LIPE: variants seen among roughly 807,000 people sequenced by gnomAD.
LIPE encodes lipase E, hormone sensitive type, also known as hormone-sensitive lipase.
In LIPE, 66 loss-of-function variants were observed where a neutral mutation model predicts 88.5. The ratio of observed to expected loss-of-function variants is 0.75; its 90% CI spans 0.61 to 0.91. The LOEUF (loss-of-function observed/expected upper bound fraction) is 0.91. Among genes scored for constraint, LIPE ranks in the 40% least tolerant of loss-of-function variants. LIPE has a pLI of 0.00. For synonymous variants in LIPE, 570 were observed against 617.5 expected, an observed-to-expected ratio of 0.92 and a Z score of 1.14; for missense variants, 1,346 against 1,434.7, an observed-to-expected ratio of 0.94 and a Z score of 1.00.
In LIPE at chr19:42,426,264, C is replaced by T. The variant is rs1261981551; in HGVS notation, c.883+3G>A. On this transcript the variant is annotated splice_donor_region_variant and intron_variant, in intron 1 of 9. Coordinates refer to ENST00000244289, the MANE Select transcript of LIPE (RefSeq NM_005357.4). ...GCTTCAATTCCTCCAGATTCACACT[C>T]ACCTGTATCCTGGTAGTGTCTGTGA... The T allele has an allele frequency of 6.3e-6, 10 of 1,592,898 alleles. No individual in the cohort carries two copies. The South Asian group carries it at 7.7e-5, about 12-fold the overall frequency.
At chr19:42,424,679 G>A in intron 1 of LIPE, 1 of 455,322 alleles carries the variant, frequency 2.2e-6, no homozygotes. Context: ...CTCTGGACCA[G>A]GGCCTCACAG....
Position 42,427,116 on chromosome 19 carries a change from C to T in LIPE, c.34G>A (p.Asp12Asn). The T allele has an allele frequency of 6.2e-7, 1 of 1,606,392 alleles. No individual in the cohort carries two copies. Among genetic ancestry groups the T allele is most frequent in the Non-Finnish European group, 8.5e-7 (1 of 1,177,858 alleles). The change falls in exon 1 of 10, where the codon GAC (aspartate) becomes AAC (asparagine). Residue 12 changes from aspartate (D) to asparagine (N), a missense_variant. Asp to Asn is a conservative substitution (Grantham distance 23, BLOSUM62 1). Transcript: ENST00000244289. ...CTCTGGTGTGGTTCAGGTTGCCAGT[C>T]TGACCTAGACACTGACTTAGAACCT... ...EPGSKSVSRSDWQPEPHQRPI... is the reference protein window; with the variant it reads ...EPGSKSVSRSNWQPEPHQRPI...
chr19:42,425,496 C>T (rs562369059), intron 1 of LIPE, among the ~76,000 whole-genome samples: 2 of 152,200 alleles, frequency 1.3e-5, no homozygotes, highest in South Asian at 4.2e-4. Context: ...TTATTTTCTA[C>T]CTGATGTCCT....
chr19:42,405,974 T>TCACACACACACA, intron 7 of LIPE, 187 bp downstream of exon 7: 1 of 481,802 alleles, frequency 2.1e-6, no homozygotes, highest in Non-Finnish European at 3.6e-6. Context: ...TCTCTCTCTC[T>TCACACACACACA]CTCACACACA....
rs1373737553 is a variant in LIPE at position 42,405,495 on chromosome 19, C to G, written c.2432G>C (p.Arg811Pro). The part of the protein sequence containing the change: ...KALGMMGLVR[R>P]DTALLLRDFR... The stretch of plus-strand genomic sequence containing the variant: ...GTCTCGGAGGAGCAGGGCTGTGTCC[C>G]GCCGCACCAGCCCCATCATGCCGAG... Residue 811 changes from arginine to proline, a missense_variant, in exon 8 of 10, where the codon CGG becomes CCG. Coordinates refer to ENST00000244289, the MANE Select transcript of LIPE (RefSeq NM_005357.4). 6.2e-7 allele frequency: 1 copy of G among 1,614,118 alleles called. No individual in the cohort carries two copies. The highest frequency in any genetic ancestry group is 1.7e-5 in the Admixed American group (1 of 60,026).
chr19:42,424,211 G>A lies in LIPE; in HGVS notation c.883+2056C>T, dbSNP rs73936003. 1,294 of 889,202 alleles carry A rather than the reference G, an allele frequency of 1.5e-3. 12 individuals are homozygous for A. The African/African-American group carries it at 0.02, about 14-fold the overall frequency. The allele number at this position is 889,202 out of a possible 1,614,324, so 55.1% of individuals were successfully genotyped here. A position where few individuals can be genotyped will look rare whatever the true frequency, so the allele number is the denominator to read the frequency against. On this transcript the variant is annotated intron_variant, in intron 1 of 9. Coordinates refer to ENST00000244289, the MANE Select transcript of LIPE (RefSeq NM_005357.4). ...CATGCTCCCGATAATGAGGGTGGGG[G>A]ATGGTGGTAGGAGAACGCTCGGCGC... is the stretch of plus-strand genomic sequence containing the variant.
intron 1 of LIPE, among the ~76,000 whole-genome samples, chr19:42,417,251 T>C (rs577394639): frequency 7.2e-5 from 11 of 152,222 alleles, no homozygotes; most frequent in Middle Eastern, 3.4e-3. Context: ...TTATTTGTTA[T>C]TCTTATTTTT....
At chr19:42,405,065 G>A (rs2040125528) in intron 8 of LIPE, among the ~76,000 whole-genome samples, 1 of 151,660 alleles carries the variant, frequency 6.6e-6, no homozygotes, top group East Asian at 2.0e-4. Context: ...AAGGGGTTTT[G>A]CCATATTGGC....
intron 1 of LIPE, among the ~76,000 whole-genome samples, chr19:42,416,905 G>A (rs1023971951): frequency 1.3e-5 from 2 of 152,166 alleles, no homozygotes; most frequent in African/African-American, 4.8e-5. Flanking sequence ...CGACTTTTAA[G>A]TCTTGTTATT....
At position 42,405,401 on chromosome 19, in the gene LIPE, C is replaced by G; in HGVS notation, c.2526G>C (p.Met842Ile). 6.2e-7 allele frequency: 1 copy of G among 1,613,434 alleles called. No individual in the cohort carries two copies. Among genetic ancestry groups the G allele is most frequent in the Non-Finnish European group, 8.5e-7 (1 of 1,179,964 alleles). Residue 842 changes from methionine to isoleucine, a missense_variant, in exon 8 of 10, where the codon ATG becomes ATC. Transcript: ENST00000244289. ...LELSGRKSQKMSEPIAEPMRR... is the reference protein window; with the variant it reads ...LELSGRKSQKISEPIAEPMRR... ...ATCACTCACCTGCTATGGGCTCCGA[C>G]ATCTTCTGGGACTTGCGCCCACTTA... is the stretch of plus-strand genomic sequence containing the variant.
chr19:42,402,631 C>G lies in LIPE; in HGVS notation c.2943G>C (p.Lys981Asn), dbSNP rs1253404893. The change falls in exon 9 of 10, where the codon AAG becomes AAC. Residue 981 changes from lysine (K) to asparagine (N), a missense_variant. Physicochemically the swap from Lys to Asn is moderately conservative, Grantham distance 94. Transcript: ENST00000244289. ...SPLLAPDSML[K>N]SLPPVHIVAC... ...CCACGATGTGCACAGGTGGCAGGCT[C>G]TTGAGCATGCTGTCGGGTGCCAGCA... 7 of 1,496,922 alleles carry G rather than the reference C, an allele frequency of 4.7e-6. No individual in the cohort carries two copies. Among genetic ancestry groups the G allele is most frequent in the Non-Finnish European group, 6.2e-6 (7 of 1,121,208 alleles). 92.7% of individuals were successfully genotyped at this position (1,496,922 alleles called of 1,614,324 possible). A position where few individuals can be genotyped will look rare whatever the true frequency, so the allele number is the denominator to read the frequency against.
chr19:42,402,867 G>A lies in LIPE; in HGVS notation c.2707C>T (p.Pro903Ser), dbSNP rs769122407. 42 of 1,613,742 alleles carry A rather than the reference G, an allele frequency of 2.6e-5. No individual in the cohort carries two copies. The highest frequency in any genetic ancestry group is 5.3e-5 in the African/African-American group (4 of 74,880). ...EMSLSAETLS[P>S]STPSDVNFLL... is the part of the protein sequence containing the mutation. ...AAGTTGACATCGGAGGGTGTGGAGG[G>A]GCTAAGTGTCTCAGCTGACAGCGAC... Residue 903 changes from proline (P) to serine (S), a missense_variant, in exon 9 of 10, where the codon CCC (proline) becomes TCC (serine). Coordinates refer to ENST00000244289, the MANE Select transcript of LIPE (RefSeq NM_005357.4).
chr19:42,409,512 A>C (rs577063261), intron 2 of LIPE, among the ~76,000 whole-genome samples: 1 of 152,166 alleles, frequency 6.6e-6, no homozygotes, highest in African/African-American at 2.4e-5. Flanking sequence ...GTACTGGCCA[A>C]GTTCCTACTG....
At position 42,402,068 on chromosome 19, in the gene LIPE, G is replaced by A. The variant is rs2039992647; in HGVS notation, c.2975C>T (p.Ala992Val). Residue 992 changes from alanine to valine, a missense_variant, in exon 10 of 10, where the codon GCG (alanine) becomes GTG (valine). Transcript: ENST00000244289. ...CGAGTCGTCCAGCATGGGGTCCAGC[G>A]CGCACGCCTACGGGACAGCGGGGAG... ...SLPPVHIVACALDPMLDDSVM... is the reference protein window; with the variant it reads ...SLPPVHIVACVLDPMLDDSVM... 1 of 1,489,824 alleles carries A rather than the reference G, an allele frequency of 6.7e-7. No homozygotes were observed. Among genetic ancestry groups the A allele is most frequent in the Non-Finnish European group, 9.0e-7 (1 of 1,117,260 alleles). 92.3% of individuals were successfully genotyped at this position (1,489,824 alleles called of 1,614,324 possible).
At chr19:42,412,204 G>A in intron 1 of LIPE, 2 of 925,418 alleles carry the variant, frequency 2.2e-6, no homozygotes, top group Non-Finnish European at 2.6e-6. Context: ...CCCAGGTCCT[G>A]AACAAGCTGC....
chr19:42,424,147 C>A (rs2040660593), intron 1 of LIPE: 1 of 1,190,130 alleles, frequency 8.4e-7, no homozygotes, highest in Non-Finnish European at 1.1e-6. Context: ...TTGCGCTTTT[C>A]CTGGGGGATC....
rs2040200423 is a variant in LIPE at position 42,406,847 on chromosome 19, G to T, written c.2137+327C>A. ...CCCAAGATGTTGATCTTCGAAGAGG[G>T]AGGTCAGAGAAGCTGGACTGTGGGC... On this transcript the variant is annotated intron_variant, in intron 6 of 9. Transcript: ENST00000244289. The surrounding 1 kb of genome is among the most constrained non-coding windows in gnomAD (Gnocchi z 5.7). 6.6e-6 allele frequency among the ~76,000 whole-genome samples: 1 copy of T among 152,220 alleles called. No homozygotes were observed. The highest frequency in any genetic ancestry group is 1.5e-5 in the Non-Finnish European group (1 of 68,044).
At chr19:42,412,057 GC>G (rs1171221120) in intron 1 of LIPE, among the ~76,000 whole-genome samples, 2 of 152,156 alleles carry the variant, frequency 1.3e-5, no homozygotes, top group Non-Finnish European at 2.9e-5. Flanking sequence ...GGGGCTCCCC[GC>G]TAGGACTCTG....
In LIPE at chr19:42,401,623, G is replaced by A; in HGVS notation, c.*189C>T. On this transcript the variant is annotated 3_prime_UTR_variant, in exon 10 of 10. Coordinates refer to ENST00000244289, the MANE Select transcript of LIPE (RefSeq NM_005357.4). ...CAGCAGCAAAAGGCAGCGGTGGCGT[G>A]CAGGTCCAGCCGTCTCGGTGACCGG... The A allele has an allele frequency of 1.8e-6, 1 of 542,328 alleles. No homozygotes were observed. Among genetic ancestry groups the A allele is most frequent in the Non-Finnish European group, 3.2e-6 (1 of 316,432 alleles). 33.6% of individuals were successfully genotyped at this position (542,328 alleles called of 1,614,324 possible). A position where few individuals can be genotyped will look rare whatever the true frequency, so the allele number is the denominator to read the frequency against.
Sources: gnomAD v4.1 joint callset for allele counts (sites outside exome capture counted in the v4.1 genomes callset) on GRCh38, gnomAD v4.1.1 for gene constraint, Gnocchi (gnomAD v3.1) non-coding constraint, MANE v1.5 for transcripts, NCBI Gene and HGNC (gene_info 2026-07-23, HGNC 2026-07-21) for gene names.